The following TGFA variants were observed in gnomAD, a reference collection of about 807,000 sequenced individuals.
The protein encoded by TGFA is transforming growth factor alpha, also known as protransforming growth factor alpha.
Under a neutral mutation model 21.7 loss-of-function variants are expected in TGFA, and 12 were observed. The ratio of observed to expected loss-of-function variants is 0.55; its 90% CI spans 0.35 to 0.90. TGFA has a LOEUF of 0.90. Ranked by LOEUF, TGFA falls within the 40% of genes least tolerant of loss-of-function variation. The probability of loss-of-function intolerance (pLI) is 0.01; values close to 1 mark genes in which losing one functional copy is unlikely to be tolerated. For synonymous variants in TGFA, 79 were observed against 88.1 expected (o/e 0.90, Z 0.58); for missense variants, 178 against 210.8 (o/e 0.84, Z 0.96).
chr2:70,454,714 C>CT (rs1184001637), intron 4 of TGFA, among the ~76,000 whole-genome samples: 1 of 152,178 alleles, frequency 6.6e-6, no homozygotes, highest in African/African-American at 2.4e-5. Flanking sequence ...GGAGTGAGAG[C>CT]TTAGTCTCTG....
At chr2:70,483,075 TATTTCTCCA>T (rs1671170323) in intron 2 of TGFA, among the ~76,000 whole-genome samples, 1 of 152,248 alleles carries the variant, frequency 6.6e-6, no homozygotes, top group African/African-American at 2.4e-5. Context: ...TTGTAACTCA[TATTTCTCCA>T]TTTTGTCCAA....
At chr2:70,476,509 A>C (rs1473265027) in intron 2 of TGFA, among the ~76,000 whole-genome samples, 2 of 152,058 alleles carry the variant, frequency 1.3e-5, no homozygotes, top group African/African-American at 4.8e-5. Context: ...TAAATATCAA[A>C]ATTGTTAGGT....
intron 3 of TGFA, among the ~76,000 whole-genome samples, chr2:70,462,331 G>A (rs1404543925): frequency 6.6e-6 from 1 of 152,246 alleles, no homozygotes; most frequent in Non-Finnish European, 1.5e-5. Context: ...CAGGGGGTAA[G>A]GAGTGCCGTC....
chr2:70,456,595 C>T (rs1670237862), intron 3 of TGFA, 107 bp from the exon 4 acceptor site: 24 of 1,359,106 alleles, frequency 1.8e-5, no homozygotes, highest in Non-Finnish European at 2.4e-5. Context: ...AGGTAAAGCC[C>T]AAAGGGGCCC....
chr2:70,515,223 TA>T (rs1672235481), intron 1 of TGFA, among the ~76,000 whole-genome samples: 1 of 152,242 alleles, frequency 6.6e-6, no homozygotes, highest in African/African-American at 2.4e-5. Flanking sequence ...TATAAATATA[TA>T]TTTTTTTATG....
chr2:70,483,888 A>G (rs1365960523), intron 2 of TGFA, among the ~76,000 whole-genome samples: 1 of 152,176 alleles, frequency 6.6e-6, no homozygotes, highest in African/African-American at 2.4e-5. Context: ...ATAACTTACT[A>G]GATGATGTAT....
chr2:70,509,823 C>T (rs74918993), intron 2 of TGFA, among the ~76,000 whole-genome samples: 63 of 152,282 alleles, frequency 4.1e-4, no homozygotes, highest in African/African-American at 1.3e-3. Flanking sequence ...AACTGTGCAA[C>T]ATTTCTCAGG....
At chr2:70,527,176 CTG>C (rs1444165606) in intron 1 of TGFA, among the ~76,000 whole-genome samples, 1 of 152,338 alleles carries the variant, frequency 6.6e-6, no homozygotes, top group South Asian at 2.1e-4. Flanking sequence ...TTAATCATAA[CTG>C]TGAAAACTTG....
At chr2:70,551,407 C>T (rs1331409509) in intron 1 of TGFA, among the ~76,000 whole-genome samples, 3 of 152,202 alleles carry the variant, frequency 2.0e-5, no homozygotes, top group Non-Finnish European at 1.5e-5. Context: ...TTAATCAATG[C>T]TCAGGTTCCA....
chr2:70,453,645 A>G (rs1670132890), intron 4 of TGFA, among the ~76,000 whole-genome samples: 1 of 152,210 alleles, frequency 6.6e-6, no homozygotes, highest in Non-Finnish European at 1.5e-5. Context: ...GGCTTTCTTG[A>G]TAAAGAACCA....
In TGFA at chr2:70,553,405, G is replaced by A. The variant is rs1175603308; in HGVS notation, c.40+323C>T. The A allele has an allele frequency of 3.7e-5, 54 of 1,442,586 alleles. No individual in the cohort carries two copies. In the Middle Eastern group the frequency reaches 1.8e-3, roughly 48 times the overall value. 89.4% of individuals were successfully genotyped at this position (1,442,586 alleles called of 1,614,324 possible). On this transcript the variant is annotated intron_variant, in intron 1 of 5. Coordinates refer to ENST00000295400, the MANE Select transcript of TGFA (RefSeq NM_003236.4). ...TGGAGGCAGCCAGGTAAGCAGGTAG[G>A]TGTAGGCATGTGTCTGAGCAGACAC...
chr2:70,536,200 T>C (rs1672962360), intron 1 of TGFA, among the ~76,000 whole-genome samples: 1 of 152,234 alleles, frequency 6.6e-6, no homozygotes, highest in Non-Finnish European at 1.5e-5. Flanking sequence ...ACGAAGTTAC[T>C]AAGCAATCCT....
At position 70,517,251 on chromosome 2, in the gene TGFA, A is replaced by C. The variant is rs149435517; in HGVS notation, c.41-2339T>G. 2.1e-3 allele frequency among the ~76,000 whole-genome samples: 313 copies of C among 152,344 alleles called. 1 individual carries two copies. Among genetic ancestry groups the C allele is most frequent in the Middle Eastern group, 0.017 (5 of 294 alleles). On this transcript the variant is annotated intron_variant, in intron 1 of 5. Coordinates refer to ENST00000295400, the MANE Select transcript of TGFA (RefSeq NM_003236.4). ...TCATAATTTGAGCAACACAAGAAGAATAGGTCCTTTCTATACCCTCACGGA... is the reference window on the plus strand; with the variant it reads ...TCATAATTTGAGCAACACAAGAAGACTAGGTCCTTTCTATACCCTCACGGA...
chr2:70,515,747 C>T (rs1343861769), intron 1 of TGFA, among the ~76,000 whole-genome samples: 1 of 152,120 alleles, frequency 6.6e-6, no homozygotes, highest in Non-Finnish European at 1.5e-5. Context: ...ATGTACTTAA[C>T]CCCAGGCCCT....
intron 2 of TGFA, among the ~76,000 whole-genome samples, chr2:70,510,002 T>C (rs1346804677): frequency 6.6e-6 from 1 of 152,244 alleles, no homozygotes; most frequent in Admixed American, 6.5e-5. Flanking sequence ...CCAGCTAATG[T>C]TTCTCTGCAT....
chr2:70,553,361 A>T, intron 1 of TGFA: 1 of 1,466,992 alleles, frequency 6.8e-7, no homozygotes, highest in South Asian at 1.4e-5. Context: ...CACGCCAGCG[A>T]CGCCGGCTGA....
At chr2:70,495,596 A>G (rs1462297699) in intron 2 of TGFA, among the ~76,000 whole-genome samples, 2 of 152,158 alleles carry the variant, frequency 1.3e-5, no homozygotes, top group African/African-American at 2.4e-5. Flanking sequence ...CTTCAAACAG[A>G]TTCTGACACA....
intron 2 of TGFA, among the ~76,000 whole-genome samples, chr2:70,480,257 C>A (rs184483201): frequency 5.8e-4 from 88 of 152,268 alleles, no homozygotes; most frequent in African/African-American, 2.0e-3. Context: ...TGACTGTGTC[C>A]TTTCTTAAGG....
chr2:70,488,900 A>T (rs1046976119), intron 2 of TGFA, among the ~76,000 whole-genome samples: 1 of 152,170 alleles, frequency 6.6e-6, no homozygotes, highest in Non-Finnish European at 1.5e-5. Flanking sequence ...TGGATTTATT[A>T]TTTCTCTGTA....
Sources: allele counts gnomAD v4.1 joint callset (sites outside exome capture counted in the v4.1 genomes callset), GRCh38; gene constraint gnomAD v4.1.1; transcripts MANE v1.5; gene names NCBI Gene and HGNC (gene_info 2026-07-23, HGNC 2026-07-21).